Variants in AGBL1 observed in about 807,000 individuals in gnomAD.
The protein encoded by AGBL1 is cytosolic carboxypeptidase 4.
In AGBL1, 130 loss-of-function variants were observed where a neutral mutation model predicts 118.9. The observed-to-expected ratio is 1.09, with a 90% CI of 0.95 to 1.26. The LOEUF (loss-of-function observed/expected upper bound fraction) is 1.26. Ranked by LOEUF, AGBL1 falls within the 50% of genes most tolerant of loss-of-function variation. The pLI, the probability that AGBL1 is intolerant of heterozygous loss-of-function variation, is 0.00. For synonymous variants in AGBL1, 555 were observed against 478.9 expected (o/e 1.16, Z -2.08); for missense variants, 1,584 against 1,298.1 (o/e 1.22, Z -3.38).
intron 5 of AGBL1, among the ~76,000 whole-genome samples, chr15:86,197,720 C>G (rs1428793886): frequency 1.3e-5 from 2 of 152,096 alleles, no homozygotes; most frequent in South Asian, 2.1e-4. Context: ...AAAGAGAACA[C>G]TAAGAGTATG....
intron 22 of AGBL1, among the ~76,000 whole-genome samples, chr15:86,801,402 C>G (rs1377100): frequency 0.057 from 8,678 of 151,950 alleles, 407 homozygotes; most frequent in East Asian, 0.21. Context: ...TCATCCCATT[C>G]TCTTCTGTGC....
intron 18 of AGBL1, among the ~76,000 whole-genome samples, chr15:86,409,724 G>T (rs561776617): frequency 2.4e-4 from 37 of 152,266 alleles, no homozygotes; most frequent in Middle Eastern, 3.4e-3. Context: ...AATTAAAAAT[G>T]ATTCAGTGTT....
chr15:86,599,481 A>G (rs2084461926), intron 21 of AGBL1, among the ~76,000 whole-genome samples: 1 of 151,988 alleles, frequency 6.6e-6, no homozygotes, highest in South Asian at 2.1e-4. Context: ...CTTTATTTTT[A>G]TGTTTTAAAT....
intron 23 of AGBL1, among the ~76,000 whole-genome samples, chr15:86,956,924 A>T (rs983234160): frequency 1.3e-5 from 2 of 152,172 alleles, no homozygotes; most frequent in Non-Finnish European, 2.9e-5. Context: ...ATCTATGCAC[A>T]TAAGTGTGTA....
chr15:86,213,808 TC>T (rs1371807864), intron 5 of AGBL1, among the ~76,000 whole-genome samples: 1 of 152,158 alleles, frequency 6.6e-6, no homozygotes, highest in Non-Finnish European at 1.5e-5. Flanking sequence ...AGTGTACAAT[TC>T]AGTCATTAAT....
intron 21 of AGBL1, among the ~76,000 whole-genome samples, chr15:86,599,372 T>C (rs1426100379): frequency 6.6e-6 from 1 of 152,102 alleles, no homozygotes. Context: ...GGGACAAATT[T>C]GCCATTGAAC....
intron 17 of AGBL1, among the ~76,000 whole-genome samples, chr15:86,325,654 G>A (rs2080172723): frequency 6.6e-6 from 1 of 152,144 alleles, no homozygotes; most frequent in Non-Finnish European, 1.5e-5. Context: ...TGCCGGCACA[G>A]CCATCTTCCA....
At chr15:86,095,646 CCTTTTTTTTTTT>C (rs1896323751) in intron 1 of AGBL1, among the ~76,000 whole-genome samples, 2 of 116,684 alleles carry the variant, frequency 1.7e-5, no homozygotes, top group Non-Finnish European at 3.5e-5. Flanking sequence ...ACCTTGGATA[CCTTTTTTTTTTT>C]TTTTTTTTTT....
intron 24 of AGBL1, among the ~76,000 whole-genome samples, chr15:87,001,745 T>A (rs958490533): frequency 2.6e-5 from 4 of 152,134 alleles, no homozygotes; most frequent in Admixed American, 2.6e-4. Context: ...GATAAGCATT[T>A]TTTCATGTGT....
At chr15:86,383,117 C>T (rs1178701399) in intron 17 of AGBL1, among the ~76,000 whole-genome samples, 3 of 151,652 alleles carry the variant, frequency 2.0e-5, no homozygotes, top group Non-Finnish European at 4.4e-5. Context: ...CTTCATTGTG[C>T]TGTTCTCATG....
At chr15:86,627,372 G>A (rs1198252492) in intron 21 of AGBL1, among the ~76,000 whole-genome samples, 2 of 152,194 alleles carry the variant, frequency 1.3e-5, no homozygotes, top group African/African-American at 4.8e-5. Context: ...TGGGATGCCA[G>A]AGGAGAGGTT....
At chr15:86,804,142 A>G (rs1484000471) in intron 22 of AGBL1, among the ~76,000 whole-genome samples, 1 of 152,152 alleles carries the variant, frequency 6.6e-6, no homozygotes, top group Non-Finnish European at 1.5e-5. Flanking sequence ...AGTATTTAAC[A>G]TTAAGAGTAA....
At chr15:86,706,898 T>C (rs140787776) in intron 22 of AGBL1, among the ~76,000 whole-genome samples, 2 of 152,086 alleles carry the variant, frequency 1.3e-5, no homozygotes, top group Non-Finnish European at 2.9e-5. Flanking sequence ...CAGTTACTCA[T>C]CTATGACACA....
chr15:86,634,866 T>G (rs948189504), intron 21 of AGBL1, among the ~76,000 whole-genome samples: 1 of 152,132 alleles, frequency 6.6e-6, no homozygotes, highest in Non-Finnish European at 1.5e-5. Context: ...ATTTGTTTTA[T>G]CTCTCTTTAA....
intron 17 of AGBL1, among the ~76,000 whole-genome samples, chr15:86,313,833 A>T (rs2079956966): frequency 6.6e-6 from 1 of 152,228 alleles, no homozygotes; most frequent in African/African-American, 2.4e-5. Context: ...AACCAAGATT[A>T]TCTTTAGTTC....
At chr15:86,672,008 G>A (rs1039736037) in intron 21 of AGBL1, among the ~76,000 whole-genome samples, 1 of 152,158 alleles carries the variant, frequency 6.6e-6, no homozygotes, top group African/African-American at 2.4e-5. Flanking sequence ...GGAGTTCAAG[G>A]CTGCAGTGGG....
intron 21 of AGBL1, among the ~76,000 whole-genome samples, chr15:86,567,536 A>G (rs1377673827): frequency 6.6e-6 from 1 of 152,222 alleles, no homozygotes; most frequent in Non-Finnish European, 1.5e-5. Context: ...AAATTTCTCC[A>G]AGATTGCTGA....
intron 17 of AGBL1, among the ~76,000 whole-genome samples, chr15:86,343,065 A>C (rs2141885370): frequency 6.6e-6 from 1 of 152,294 alleles, no homozygotes; most frequent in East Asian, 1.9e-4. Context: ...TCAAGGATAA[A>C]GGTGGGTTTT....
At chr15:86,886,334 C>G (rs1178412647) in intron 22 of AGBL1, among the ~76,000 whole-genome samples, 1 of 152,202 alleles carries the variant, frequency 6.6e-6, no homozygotes, top group Non-Finnish European at 1.5e-5. Flanking sequence ...CCCACGTTAG[C>G]ACTATCACTT....
Sources: allele counts gnomAD v4.1 joint callset (sites outside exome capture counted in the v4.1 genomes callset), GRCh38; gene constraint gnomAD v4.1.1; transcripts MANE v1.5; gene names NCBI Gene and HGNC (gene_info 2026-07-23, HGNC 2026-07-21).